The following ADORA2B variants were observed in gnomAD, a reference collection of about 807,000 sequenced individuals.
The protein encoded by ADORA2B is adenosine A2b receptor.
In ADORA2B, 18 loss-of-function variants were observed where a neutral mutation model predicts 20.8. The ratio of observed to expected loss-of-function variants is 0.87; its 90% CI spans 0.60 to 1.29. The LOEUF (loss-of-function observed/expected upper bound fraction) is 1.29, where lower values mean the gene tolerates loss of function less well. Among genes scored for constraint, ADORA2B ranks in the 50% most tolerant of loss-of-function variants. ADORA2B has a pLI of 0.00. For synonymous variants in ADORA2B, 179 were observed against 178.3 expected (o/e 1.00, Z -0.03); for missense variants, 441 against 422.7 (o/e 1.04, Z -0.38).
upstream of ADORA2B, among the ~76,000 whole-genome samples, chr17:15,944,378 G>A (rs2779196): frequency 0.87 from 131,700 of 152,064 alleles, 59,642 homozygotes; most frequent in Non-Finnish European, 0.99. The surrounding 1 kb of genome is among the most constrained non-coding windows in gnomAD (Gnocchi z 4.8). Context: ...GGCCTCGGGA[G>A]CCTGTGCCGA....
the ADORA2B span, among the ~76,000 whole-genome samples, chr17:15,875,481 T>C: frequency 6.6e-6 from 1 of 152,254 alleles, no homozygotes; most frequent in African/African-American, 2.4e-5. Flanking sequence ...GTGAGTGTCA[T>C]TCATAGATTA....
Position 15,975,003 on chromosome 17 carries a change from C to T in ADORA2B, c.660C>T (p.Asp220=), listed in dbSNP as rs775839247. 1 of 1,614,024 alleles carries T rather than the reference C, an allele frequency of 6.2e-7. No individual in the cohort carries two copies. Among genetic ancestry groups the T allele is most frequent in the Admixed American group, 1.7e-5 (1 of 60,002 alleles). Residue 220 remains aspartate (D), a synonymous_variant, in exon 2 of 2, where the codon GAC becomes GAT. Coordinates refer to ENST00000304222, the MANE Select transcript of ADORA2B (RefSeq NM_000676.4). ...AGCTTCAGCGCACTGAGCTGATGGACCACTCGAGGACCACCCTCCAGCGGG... is the reference window on the plus strand; with the variant it reads ...AGCTTCAGCGCACTGAGCTGATGGATCACTCGAGGACCACCCTCCAGCGGG... ...CRQLQRTELM[D]HSRTTLQREI...
the ADORA2B span, among the ~76,000 whole-genome samples, chr17:15,934,416 GA>G: frequency 6.6e-6 from 1 of 152,066 alleles, no homozygotes; most frequent in Non-Finnish European, 1.5e-5. Flanking sequence ...AGTAGAGACA[GA>G]GTTTCACCAT....
intron 1 of ADORA2B, among the ~76,000 whole-genome samples, chr17:15,945,849 GCCCGGGGAGGCGCCGTGGAAAC>G: frequency 6.6e-6 from 1 of 152,152 alleles, no homozygotes; most frequent in African/African-American, 2.4e-5. Flanking sequence ...GGTCCCCGGC[GCCCGGGGAGGCGCCGTGGAAAC>G]CCCGGGGAAA....
the ADORA2B span, among the ~76,000 whole-genome samples, chr17:15,867,912 G>T: frequency 6.6e-6 from 1 of 152,122 alleles, no homozygotes; most frequent in Admixed American, 6.5e-5. Flanking sequence ...TGACAATGGC[G>T]GTTTTGTGGA....
At chr17:15,967,367 G>T (rs1363982536) in intron 1 of ADORA2B, among the ~76,000 whole-genome samples, 1 of 152,058 alleles carries the variant, frequency 6.6e-6, no homozygotes, top group Non-Finnish European at 1.5e-5. Flanking sequence ...TGAATAGCTG[G>T]GATCACAGGC....
chr17:15,908,089 T>G, the ADORA2B span, among the ~76,000 whole-genome samples: 3 of 152,082 alleles, frequency 2.0e-5, no homozygotes, highest in Non-Finnish European at 4.4e-5. Flanking sequence ...GTGACTTTTT[T>G]TTTCTTGTTT....
At chr17:15,940,861 A>G (rs1181599829), upstream of ADORA2B, among the ~76,000 whole-genome samples, 1 of 152,228 alleles carries the variant, frequency 6.6e-6, no homozygotes, top group Non-Finnish European at 1.5e-5. Context: ...TCTGCATTGA[A>G]TGAGGTTGCA....
the ADORA2B span, among the ~76,000 whole-genome samples, chr17:15,857,283 G>T: frequency 3.9e-5 from 6 of 152,222 alleles, no homozygotes; most frequent in Non-Finnish European, 8.8e-5. Flanking sequence ...GGAAATGCCT[G>T]GATGACCAGG....
the ADORA2B span, among the ~76,000 whole-genome samples, chr17:15,920,979 G>A: frequency 1.3e-5 from 2 of 152,170 alleles, no homozygotes; most frequent in South Asian, 4.1e-4. Flanking sequence ...CTCTCGCTCT[G>A]GAATTGTTTG....
the ADORA2B span, among the ~76,000 whole-genome samples, chr17:15,911,226 A>T: frequency 6.6e-6 from 1 of 152,344 alleles, no homozygotes; most frequent in South Asian, 2.1e-4. Flanking sequence ...GAGAGTTATT[A>T]CTTGTGCTGC....
chr17:15,956,540 G>T (rs922590336), intron 1 of ADORA2B, among the ~76,000 whole-genome samples: 1 of 150,700 alleles, frequency 6.6e-6, no homozygotes, highest in Admixed American at 6.6e-5. Context: ...AAAAATCTCC[G>T]GTTTGCTGAT....
chr17:15,920,657 G>T, the ADORA2B span, among the ~76,000 whole-genome samples: 1 of 150,482 alleles, frequency 6.6e-6, no homozygotes, highest in Non-Finnish European at 1.5e-5. Flanking sequence ...GGAGGTGGAG[G>T]TTGCAGTGAG....
chr17:15,890,262 T>C, the ADORA2B span, among the ~76,000 whole-genome samples: 1 of 129,100 alleles, frequency 7.7e-6, no homozygotes, highest in East Asian at 2.0e-4. Context: ...TGAACATCTT[T>C]TCGTACATTT....
chr17:15,872,612 C>T, the ADORA2B span, among the ~76,000 whole-genome samples: 1 of 152,186 alleles, frequency 6.6e-6, no homozygotes, highest in Non-Finnish European at 1.5e-5. Context: ...AGATCTTTCA[C>T]CTCCTTGGTT....
intron 1 of ADORA2B, among the ~76,000 whole-genome samples, chr17:15,952,030 T>C (rs1969911154): frequency 4.6e-5 from 7 of 152,348 alleles, no homozygotes; most frequent in Middle Eastern, 3.4e-3. Context: ...GGCCTCATGC[T>C]GTGGACATTC....
At chr17:15,963,786 G>A (rs111760479) in intron 1 of ADORA2B, among the ~76,000 whole-genome samples, 6 of 152,274 alleles carry the variant, frequency 3.9e-5, no homozygotes, top group African/African-American at 1.4e-4. Context: ...AAGCTGGTTG[G>A]GAGTGCTGCC....
intron 1 of ADORA2B, among the ~76,000 whole-genome samples, chr17:15,962,689 C>T (rs186402031): frequency 2.7e-4 from 41 of 152,022 alleles, no homozygotes; most frequent in Middle Eastern, 3.4e-3. Flanking sequence ...CTTGCCACCA[C>T]GCATTTTTAG....
the ADORA2B span, among the ~76,000 whole-genome samples, chr17:15,868,824 A>G: frequency 6.6e-6 from 1 of 151,218 alleles, no homozygotes; most frequent in East Asian, 1.9e-4. Flanking sequence ...CACGTTTTTA[A>G]AGGGTATGTT....
Sources: allele counts gnomAD v4.1 joint callset (sites outside exome capture counted in the v4.1 genomes callset), GRCh38; gene constraint gnomAD v4.1.1; non-coding constraint Gnocchi (gnomAD v3.1); transcripts MANE v1.5; gene names NCBI Gene and HGNC (gene_info 2026-07-23, HGNC 2026-07-21).